METTL25: variants seen among roughly 807,000 people sequenced by gnomAD.
METTL25 encodes the protein methyltransferase like 25.
Under a neutral mutation model 71.6 loss-of-function variants are expected in METTL25, and 64 were observed. That is an observed-to-expected ratio of 0.89 (90% confidence interval 0.73 to 1.10). The LOEUF is 1.10. METTL25 is among the 50% of genes least tolerant of loss of function. The probability of loss-of-function intolerance (pLI) is 0.00; values close to 1 mark genes in which losing one functional copy is unlikely to be tolerated. For synonymous variants in METTL25, 287 were observed against 250.3 expected, an observed-to-expected ratio of 1.15 and a Z score of -1.38; for missense variants, 807 against 707.0, an observed-to-expected ratio of 1.14 and a Z score of -1.60.
At chr12:82,392,783 C>G (rs1019475980) in intron 3 of METTL25, among the ~76,000 whole-genome samples, 1 of 152,014 alleles carries the variant, frequency 6.6e-6, no homozygotes, top group Non-Finnish European at 1.5e-5. Context: ...AGATTTAAGT[C>G]TTTAATCCAT....
chr12:82,463,279 A>C (rs1418138680), intron 9 of METTL25, among the ~76,000 whole-genome samples: 1 of 151,936 alleles, frequency 6.6e-6, no homozygotes, highest in Non-Finnish European at 1.5e-5. Context: ...TTTTACTTCT[A>C]GGAGATTAAC....
At chr12:82,377,997 G>A (rs1238513039) in intron 1 of METTL25, among the ~76,000 whole-genome samples, 1 of 152,020 alleles carries the variant, frequency 6.6e-6, no homozygotes, top group African/African-American at 2.4e-5. Flanking sequence ...GCCGACACTT[G>A]TGCTTCTTCT....
At chr12:82,412,567 C>T (rs1158520999) in intron 5 of METTL25, among the ~76,000 whole-genome samples, 2 of 152,100 alleles carry the variant, frequency 1.3e-5, no homozygotes, top group African/African-American at 4.8e-5. Context: ...CACTGGCTTT[C>T]ACCTACAGTT....
At chr12:82,437,287 A>G (rs1379830035) in intron 7 of METTL25, among the ~76,000 whole-genome samples, 1 of 151,664 alleles carries the variant, frequency 6.6e-6, no homozygotes, top group East Asian at 1.9e-4. Context: ...AAACATGTAT[A>G]TGAGTCTACC....
chr12:82,384,175 T>TA (rs1403975516), intron 1 of METTL25, among the ~76,000 whole-genome samples: 1 of 152,162 alleles, frequency 6.6e-6, no homozygotes, highest in Non-Finnish European at 1.5e-5. Context: ...TTTCCCTTCA[T>TA]AAAAAATCTA....
At chr12:82,420,655 TAA>T (rs1888394011) in intron 5 of METTL25, among the ~76,000 whole-genome samples, 1 of 152,042 alleles carries the variant, frequency 6.6e-6, no homozygotes. Context: ...TAAATATATA[TAA>T]GATTAAAAAT....
chr12:82,393,919 G>A (rs1222378865), intron 3 of METTL25, among the ~76,000 whole-genome samples: 2 of 151,724 alleles, frequency 1.3e-5, no homozygotes, highest in Non-Finnish European at 2.9e-5. Context: ...GCTGTATCCC[G>A]TGGGTTTTGG....
chr12:82,445,922 G>A (rs2717446), intron 8 of METTL25, among the ~76,000 whole-genome samples: 129,044 of 152,202 alleles, frequency 0.85, 55,085 homozygotes, highest in East Asian at 1. Flanking sequence ...TAAAGCTTCC[G>A]GTCAAAAGTA....
chr12:82,476,517 A>G (rs1892888664), intron 9 of METTL25, 127 bp from the exon 10 acceptor site: 1 of 657,570 alleles, frequency 1.5e-6, no homozygotes, highest in South Asian at 1.9e-5. Flanking sequence ...ATATCCTTAG[A>G]GCGAGTTCTT....
intron 2 of METTL25, among the ~76,000 whole-genome samples, chr12:82,389,586 A>G (rs1166956133): frequency 6.6e-6 from 1 of 152,044 alleles, no homozygotes; most frequent in Non-Finnish European, 1.5e-5. Flanking sequence ...AGTCTTTTCC[A>G]TTATAGTTAA....
intron 1 of METTL25, among the ~76,000 whole-genome samples, chr12:82,360,888 C>T (rs1881766865): frequency 6.6e-6 from 1 of 152,174 alleles, no homozygotes; most frequent in African/African-American, 2.4e-5. Context: ...TTCGGAGTTT[C>T]TTCCTTCTGG....
intron 8 of METTL25, among the ~76,000 whole-genome samples, chr12:82,455,412 C>G (rs889072301): frequency 6.6e-5 from 10 of 151,732 alleles, no homozygotes; most frequent in African/African-American, 2.4e-4. Flanking sequence ...CCTTCTGGAA[C>G]CTATACCTAT....
chr12:82,463,834 A>C (rs1892059093), intron 9 of METTL25, among the ~76,000 whole-genome samples: 1 of 151,904 alleles, frequency 6.6e-6, no homozygotes, highest in Admixed American at 6.6e-5. Context: ...CCTAATGATT[A>C]GTGATGTTGA....
In METTL25 at chr12:82,387,698, C is replaced by T. The variant is rs141711596; in HGVS notation, c.424+731C>T. 3.5e-3 allele frequency among the ~76,000 whole-genome samples: 388 copies of T among 110,910 alleles called. 2 individuals carry two copies. The highest frequency in any genetic ancestry group is 0.012 in the African/African-American group (365 of 30,902). 72.8% of individuals were successfully genotyped at this position (110,910 alleles called of 152,430 possible). On this transcript the variant is annotated intron_variant, in intron 2 of 11. Coordinates refer to ENST00000248306, the MANE Select transcript of METTL25 (RefSeq NM_032230.3). ...ATTTTGCCACATTTGTTGTAGTTCT[C>T]TTCTACACACACACGCGCACACACA...
intron 1 of METTL25, among the ~76,000 whole-genome samples, chr12:82,377,326 A>G (rs920732657): frequency 4.6e-5 from 7 of 152,210 alleles, no homozygotes; most frequent in African/African-American, 1.7e-4. Flanking sequence ...GCTTGCCTTT[A>G]TTATAGATTT....
intron 3 of METTL25, among the ~76,000 whole-genome samples, chr12:82,394,218 T>C (rs1279393913): frequency 6.6e-6 from 1 of 152,080 alleles, no homozygotes; most frequent in Admixed American, 6.6e-5. Context: ...TGGTCCATAG[T>C]GCAGATTATG....
intron 5 of METTL25, among the ~76,000 whole-genome samples, chr12:82,427,343 ATC>A (rs1435827192): frequency 6.6e-6 from 1 of 151,966 alleles, no homozygotes; most frequent in Non-Finnish European, 1.5e-5. Flanking sequence ...ATTATTTAGT[ATC>A]TCTCATAGTT....
At chr12:82,388,919 G>C (rs2136955079) in intron 2 of METTL25, 1 of 152,188 alleles carries the variant, frequency 6.6e-6, no homozygotes, top group African/African-American at 2.4e-5. Flanking sequence ...ACAGGACCAT[G>C]AGTAACCAGC....
At chr12:82,478,787 T>G (rs2137326457) in intron 11 of METTL25, 145 bp from the exon 12 acceptor site, 1 of 615,612 alleles carries the variant, frequency 1.6e-6, no homozygotes, top group Non-Finnish European at 2.7e-6. Context: ...TTGTGAATGT[T>G]AATTTTGTTT....
Sources: allele counts gnomAD v4.1 joint callset (sites outside exome capture counted in the v4.1 genomes callset), GRCh38; gene constraint gnomAD v4.1.1; transcripts MANE v1.5; gene names NCBI Gene and HGNC (gene_info 2026-07-23, HGNC 2026-07-21).